Variants in PRAG1 observed in about 807,000 individuals in gnomAD.
The protein encoded by PRAG1 is inactive tyrosine-protein kinase PRAG1.
A neutral mutation model predicts 95.6 loss-of-function variants in PRAG1; 110 were observed. The observed-to-expected ratio is 1.15, with a 90% CI of 0.99 to 1.35. PRAG1 has a LOEUF of 1.35. PRAG1 is among the 40% of genes most tolerant of loss of function. The pLI, the probability that PRAG1 is intolerant of heterozygous loss-of-function variation, is 0.00. For synonymous variants in PRAG1, 1,052 were observed against 819.4 expected, an observed-to-expected ratio of 1.28 and a Z score of -4.85; for missense variants, 2,554 against 1,864.7, an observed-to-expected ratio of 1.37 and a Z score of -6.81.
In PRAG1 at chr8:8,377,337, C is replaced by T. The variant is rs186437273; in HGVS notation, c.1072G>A (p.Val358Ile). Residue 358 changes from valine to isoleucine, a missense_variant, in exon 3 of 6, where the codon GTC (valine) becomes ATC (isoleucine). Physicochemically the swap from Val to Ile is conservative, Grantham distance 29. Transcript: ENST00000615670. ...CAGTAATCACTCTCGAGGTGGGGGA[C>T]GAAGGGGCTACTGGCGCCGCTGCCG... ...GSGSGASSPF[V>I]PHLESDYCSL... is the part of the protein sequence containing the mutation. 2.2e-5 allele frequency: 36 copies of T among 1,604,252 alleles called. No individual in the cohort carries two copies. The Admixed American group carries it at 4.1e-4, about 18-fold the overall frequency.
Position 8,326,986 on chromosome 8 carries a change from C to G in PRAG1, c.3072+724G>C, listed in dbSNP as rs144089407. 4.7e-3 allele frequency among the ~76,000 whole-genome samples: 722 copies of G among 152,284 alleles called. 9 individuals are homozygous for G. Among genetic ancestry groups the G allele is most frequent in the African/African-American group, 0.016 (668 of 41,556 alleles). ...CCTAGGTCGAATGCTCCTTCTGGATCTAACATTAGAAGAATGACCTCATTA... is the reference window on the plus strand; with the variant it reads ...CCTAGGTCGAATGCTCCTTCTGGATGTAACATTAGAAGAATGACCTCATTA... On this transcript the variant is annotated intron_variant, in intron 5 of 5. Coordinates refer to ENST00000615670, the MANE Select transcript of PRAG1 (RefSeq NM_001080826.3).
rs76702958 is a variant in PRAG1 at position 8,370,529 on chromosome 8, G to A, written c.2162+5718C>T. Among the ~76,000 whole-genome samples the A allele has an allele frequency of 7.6e-3, 1,163 of 152,280 alleles. 5 individuals are homozygous for A. Among genetic ancestry groups the A allele is most frequent in the Non-Finnish European group, 0.012 (794 of 68,002 alleles). ...TTCAAAATGCCGCCCAGAAAAGGCC[G>A]TTATGCATCAAGAGTATGGGATTTC... On this transcript the variant is annotated intron_variant, in intron 3 of 5. Transcript: ENST00000615670.
At chr8:8,353,213 G>C (rs914960817) in intron 3 of PRAG1, among the ~76,000 whole-genome samples, 1 of 152,106 alleles carries the variant, frequency 6.6e-6, no homozygotes, top group Admixed American at 6.5e-5. Flanking sequence ...TAGACCAAAT[G>C]GACCTAAAAA....
chr8:8,371,507 C>T (rs1324799027), intron 3 of PRAG1, among the ~76,000 whole-genome samples: 1 of 152,018 alleles, frequency 6.6e-6, no homozygotes, highest in East Asian at 2.0e-4. Context: ...GATCCACCCG[C>T]CTTGGCCTAC....
At chr8:8,328,998 C>T (rs1159117385) in intron 4 of PRAG1, among the ~76,000 whole-genome samples, 1 of 152,140 alleles carries the variant, frequency 6.6e-6, no homozygotes, top group Non-Finnish European at 1.5e-5. Context: ...CAATATTTTG[C>T]AAACAATGCT....
At position 8,376,565 on chromosome 8, in the gene PRAG1, G is replaced by C. The variant is rs773204319; in HGVS notation, c.1844C>G (p.Pro615Arg). 47 of 1,607,762 alleles carry C rather than the reference G, an allele frequency of 2.9e-5. No individual in the cohort carries two copies. The highest frequency in any genetic ancestry group is 4.0e-5 in the Non-Finnish European group (47 of 1,175,816). The change falls in exon 3 of 6, where the codon CCT becomes CGT. Residue 615 changes from proline to arginine, a missense_variant. Physicochemically the swap from Pro to Arg is moderately radical, Grantham distance 103. Coordinates refer to ENST00000615670, the MANE Select transcript of PRAG1 (RefSeq NM_001080826.3). ...AISDPSRCPQ[P>R]AASSASEQRR... ...CTGTTCCGAGGCTGACGAGGCGGCA[G>C]GCTGGGGACACCTGGATGGGTCACT...
intron 3 of PRAG1, among the ~76,000 whole-genome samples, chr8:8,370,443 T>A (rs1479928525): frequency 6.6e-6 from 1 of 152,232 alleles, no homozygotes; most frequent in Non-Finnish European, 1.5e-5. Context: ...TTTGTCAAAA[T>A]GGCTAAACAC....
chr8:8,338,643 A>C (rs964005725), intron 4 of PRAG1, among the ~76,000 whole-genome samples: 2 of 152,228 alleles, frequency 1.3e-5, no homozygotes, highest in African/African-American at 4.8e-5. Flanking sequence ...CTGACTTATA[A>C]CACACTCTTT....
intron 5 of PRAG1, among the ~76,000 whole-genome samples, chr8:8,323,896 T>C (rs749515785): frequency 2.6e-5 from 4 of 152,224 alleles, no homozygotes; most frequent in South Asian, 2.1e-4. Flanking sequence ...ATTTTGGAAT[T>C]ACACATAAAT....
intron 5 of PRAG1, among the ~76,000 whole-genome samples, chr8:8,325,589 GCA>G (rs761848330): frequency 1.3e-5 from 2 of 152,130 alleles, no homozygotes; most frequent in Non-Finnish European, 2.9e-5. Flanking sequence ...AATCCAAGCT[GCA>G]CAGCACAATT....
At chr8:8,371,933 C>T (rs979703718) in intron 3 of PRAG1, among the ~76,000 whole-genome samples, 3 of 152,158 alleles carry the variant, frequency 2.0e-5, no homozygotes, top group East Asian at 1.9e-4. Flanking sequence ...TGATTAGTCT[C>T]ACCTAGGGCC....
intron 5 of PRAG1, 29 bp from the exon 6 acceptor site, chr8:8,319,331 G>T: frequency 2.0e-6 from 3 of 1,484,830 alleles, no homozygotes; most frequent in South Asian, 1.4e-5. Context: ...GTGAAATCAA[G>T]AGTGGGGCCC....
intron 3 of PRAG1, among the ~76,000 whole-genome samples, chr8:8,364,622 C>G (rs943317521): frequency 3.3e-5 from 5 of 150,520 alleles, no homozygotes; most frequent in African/African-American, 1.2e-4. Context: ...CTGCAGTCCA[C>G]TTTTACATAC....
intron 5 of PRAG1, among the ~76,000 whole-genome samples, chr8:8,322,540 G>C (rs550064516): frequency 1.1e-4 from 17 of 152,108 alleles, no homozygotes; most frequent in African/African-American, 3.9e-4. Flanking sequence ...ATTCCAAAGT[G>C]AACATAAAAA....
chr8:8,356,330 A>C (rs1187072226), intron 3 of PRAG1, among the ~76,000 whole-genome samples: 6 of 152,140 alleles, frequency 3.9e-5, no homozygotes, highest in Non-Finnish European at 7.4e-5. Flanking sequence ...AATGTAAATC[A>C]TTATGAAAAC....
intron 3 of PRAG1, among the ~76,000 whole-genome samples, chr8:8,367,049 C>T (rs971166511): frequency 1.3e-5 from 2 of 152,060 alleles, no homozygotes; most frequent in African/African-American, 4.8e-5. Flanking sequence ...CATGTATCTG[C>T]ACCCCCACCT....
At position 8,383,962 on chromosome 8, in the gene PRAG1, A is replaced by G. The variant is rs182342977; in HGVS notation, c.-87-2128T>C. 5.8e-4 allele frequency among the ~76,000 whole-genome samples: 88 copies of G among 152,268 alleles called. 1 individual carries two copies. In the Middle Eastern group the frequency reaches 0.024, roughly 41 times the overall value. On this transcript the variant is annotated intron_variant, in intron 1 of 5. Transcript: ENST00000615670. Reference sequence around the variant, plus strand: ...CTTCCTGGGACGCTGATGGGTGAAGACTGTCTACACCTTCTAGGCCACAGA... The same window carrying G: ...CTTCCTGGGACGCTGATGGGTGAAGGCTGTCTACACCTTCTAGGCCACAGA...
In PRAG1 at chr8:8,328,225, C is replaced by G; in HGVS notation, c.2557G>C (p.Glu853Gln). The G allele has an allele frequency of 6.2e-7, 1 of 1,614,212 alleles. No individual in the cohort carries two copies. Among genetic ancestry groups the G allele is most frequent in the Non-Finnish European group, 8.5e-7 (1 of 1,180,038 alleles). Residue 853 changes from glutamate to glutamine, a missense_variant, in exon 5 of 6, where the codon GAA (glutamate) becomes CAA (glutamine). By Grantham distance (29) the Glu-to-Gln change is conservative. Transcript: ENST00000615670. ...ASPKLNLSHS[E>Q]TNVHDESHFS... The stretch of plus-strand genomic sequence containing the variant: ...TGAGATTCGTCGTGGACGTTGGTTT[C>G]CGAGTGGCTTAGGTTCAGCTTGGGG...
chr8:8,341,615 G>T (rs1275807413), intron 3 of PRAG1, among the ~76,000 whole-genome samples: 2 of 152,126 alleles, frequency 1.3e-5, no homozygotes, highest in African/African-American at 4.8e-5. Flanking sequence ...ATCATATCAT[G>T]TTTCTCCTTT....
Sources: gnomAD v4.1 joint callset for allele counts (sites outside exome capture counted in the v4.1 genomes callset) on GRCh38, gnomAD v4.1.1 for gene constraint, MANE v1.5 for transcripts, NCBI Gene and HGNC (gene_info 2026-07-23, HGNC 2026-07-21) for gene names.